ZNF462: variants seen among roughly 807,000 people sequenced by gnomAD.
The protein encoded by ZNF462 is zinc finger protein 462.
In ZNF462, 10 loss-of-function variants were observed where a neutral mutation model predicts 201.9. That is an observed-to-expected ratio of 0.05 (90% CI 0.03 to 0.08). ZNF462 has a LOEUF of 0.08. Ranked by LOEUF, ZNF462 falls within the 10% of genes least tolerant of loss-of-function variation. The pLI, the probability that ZNF462 is intolerant of heterozygous loss-of-function variation, is 1.00. For synonymous variants in ZNF462, 1,227 were observed against 1,193.3 expected (o/e 1.03, Z -0.58); for missense variants, 2,523 against 3,168.3 (o/e 0.80, Z 4.89).
chr9:106,964,810 C>A (rs1036896725), intron 7 of ZNF462, among the ~76,000 whole-genome samples: 1 of 152,050 alleles, frequency 6.6e-6, no homozygotes, highest in African/African-American at 2.4e-5. Flanking sequence ...GCAAATATAA[C>A]TGGTACAAAA....
rs1021292617 is a variant in ZNF462 at position 107,011,271 on chromosome 9, A to T, written c.*241A>T. On this transcript the variant is annotated 3_prime_UTR_variant, in exon 13 of 13. Coordinates refer to ENST00000277225, the MANE Select transcript of ZNF462 (RefSeq NM_021224.6). The surrounding 1 kb of genome is among the most constrained non-coding windows in gnomAD (Gnocchi z 5.6). ...ACTACATCTTTTCTTCCGGATCTTC[A>T]TCATGGAAGTTTCATTTGTTGCGGA... The T allele has an allele frequency of 1.3e-5, 6 of 470,894 alleles. No individual in the cohort carries two copies. The highest frequency in any genetic ancestry group is 3.9e-5 in the East Asian group (1 of 25,528). 29.2% of individuals were successfully genotyped at this position (470,894 alleles called of 1,614,324 possible).
chr9:106,940,773 A>G (rs1327519894), intron 7 of ZNF462, among the ~76,000 whole-genome samples: 1 of 151,764 alleles, frequency 6.6e-6, no homozygotes, highest in African/African-American at 2.4e-5. Flanking sequence ...CTCTTCTGGG[A>G]AAATTCAGAG....
At chr9:106,907,631 G>C (rs867923391) in intron 1 of ZNF462, among the ~76,000 whole-genome samples, 1 of 151,666 alleles carries the variant, frequency 6.6e-6, no homozygotes, top group Non-Finnish European at 1.5e-5. Flanking sequence ...AATTAGGCTA[G>C]CTAATTGTTT....
chr9:106,914,896 G>C (rs1384243937), intron 1 of ZNF462, among the ~76,000 whole-genome samples: 2 of 152,134 alleles, frequency 1.3e-5, no homozygotes, highest in Non-Finnish European at 2.9e-5. Flanking sequence ...TAATTTATAA[G>C]AAGGCAGTCA....
At chr9:106,892,173 C>T (rs887638257) in intron 1 of ZNF462, among the ~76,000 whole-genome samples, 1 of 152,124 alleles carries the variant, frequency 6.6e-6, no homozygotes, top group African/African-American at 2.4e-5. Flanking sequence ...TTATTAGCAG[C>T]TGGTTTAATA....
Position 106,920,960 on chromosome 9 carries a change from C to G in ZNF462, c.-30-2394C>G, listed in dbSNP as rs561836235. Among the ~76,000 whole-genome samples, 2 of 152,280 alleles carry G rather than the reference C, an allele frequency of 1.3e-5. No homozygotes were observed. The highest frequency in any genetic ancestry group is 1.3e-4 in the Admixed American group (2 of 15,300). ...GGAAGAGATTTTGTTTTCCTCTCTG[C>G]TACACAATGGAGCTTTCAGAGAACC... On this transcript the variant is annotated intron_variant, in intron 1 of 12. Coordinates refer to ENST00000277225, the MANE Select transcript of ZNF462 (RefSeq NM_021224.6). The surrounding 1 kb of genome is among the most constrained non-coding windows in gnomAD (Gnocchi z 4.3).
chr9:106,992,472 C>T (rs192611090), intron 10 of ZNF462, among the ~76,000 whole-genome samples: 3 of 152,152 alleles, frequency 2.0e-5, no homozygotes, highest in Non-Finnish European at 4.4e-5. Context: ...GCCATCTGAC[C>T]TATCCTACCT....
In ZNF462 at chr9:106,928,827, G is replaced by A. The variant is rs1474734108; in HGVS notation, c.4915G>A (p.Val1639Met). 6.2e-6 allele frequency: 10 copies of A among 1,614,016 alleles called. No homozygotes were observed. Among genetic ancestry groups the A allele is most frequent in the Non-Finnish European group, 8.5e-6 (10 of 1,180,042 alleles). Residue 1639 changes from valine to methionine, a missense_variant, in exon 3 of 13, where the codon GTG becomes ATG. Physicochemically the swap from Val to Met is conservative, Grantham distance 21. Coordinates refer to ENST00000277225, the MANE Select transcript of ZNF462 (RefSeq NM_021224.6). This position sits in a 1 kb window ranked among gnomAD's most constrained non-coding sequence, Gnocchi z 9.3. Reference sequence around the variant, plus strand: ...CCAAGTCTCCATCACTGAGGAGGAGGTGGGAGAGGAGCCCGTGTCCACTTC... The same window carrying A: ...CCAAGTCTCCATCACTGAGGAGGAGATGGGAGAGGAGCCCGTGTCCACTTC... ...PSQVSITEEE[V>M]GEEPVSTSHF...
chr9:106,931,948 T>A (rs533265033), intron 4 of ZNF462, among the ~76,000 whole-genome samples: 279 of 152,256 alleles, frequency 1.8e-3, no homozygotes, highest in African/African-American at 6.2e-3. Context: ...TTAGATGGGG[T>A]TGCAGTTTGA....
At chr9:106,955,048 G>A (rs886126092) in intron 7 of ZNF462, among the ~76,000 whole-genome samples, 9 of 152,050 alleles carry the variant, frequency 5.9e-5, no homozygotes, top group African/African-American at 1.9e-4. Context: ...TTCTGGCCAC[G>A]CTACTAACAA....
chr9:106,861,136 G>A (rs371747698), upstream of ZNF462, among the ~76,000 whole-genome samples: 36 of 151,874 alleles, frequency 2.4e-4, 1 homozygote, highest in African/African-American at 8.2e-4. Flanking sequence ...TAGGGATCCC[G>A]AGCTTTTCAA....
rs755072228 is a variant in ZNF462 at position 107,008,509 on chromosome 9, A to C, written c.7190-1036A>C. On this transcript the variant is annotated intron_variant, in intron 11 of 12. Transcript: ENST00000277225. This position sits in a 1 kb window ranked among gnomAD's most constrained non-coding sequence, Gnocchi z 4.8. Reference sequence around the variant, plus strand: ...TGTGGACCAGAGTGATCAGAGTGTAAAGATGATCAACACTTCCCTGTGCGA... The same window carrying C: ...TGTGGACCAGAGTGATCAGAGTGTACAGATGATCAACACTTCCCTGTGCGA... 1.9e-4 allele frequency among the ~76,000 whole-genome samples: 29 copies of C among 152,230 alleles called. No individual in the cohort carries two copies. The highest frequency in any genetic ancestry group is 3.4e-4 in the Non-Finnish European group (23 of 68,016).
In ZNF462 at chr9:106,926,078, TGATGAA is replaced by T. The variant is rs775574020; in HGVS notation, c.2169_2174del (p.Asp723_Glu724del). 1.9e-6 allele frequency: 3 copies of T among 1,614,000 alleles called. No homozygotes were observed. The highest frequency in any genetic ancestry group is 1.3e-5 in the African/African-American group (1 of 74,990). On this transcript the variant is annotated inframe_deletion, in exon 3 of 13. Coordinates refer to ENST00000277225, the MANE Select transcript of ZNF462 (RefSeq NM_021224.6). The surrounding 1 kb of genome is among the most constrained non-coding windows in gnomAD (Gnocchi z 7.9). Reference sequence around the variant, plus strand: ...AAGATGCAGTGATCAATGTTGAGGATGATGAAGAGGAAGAGGAAGACAACGAAGTCG... The same window carrying T: ...AAGATGCAGTGATCAATGTTGAGGATGAGGAAGAGGAAGACAACGAAGTCG...
At position 106,955,256 on chromosome 9, in the gene ZNF462, A is replaced by C. The variant is rs530226234; in HGVS notation, c.6427+16149A>C. On this transcript the variant is annotated intron_variant, in intron 7 of 12. Transcript: ENST00000277225. Reference sequence around the variant, plus strand: ...GGTTCCAGACCACCTCAGTAAAGCAAATATTGCAATATAAAAGTCATACAA... The same window carrying C: ...GGTTCCAGACCACCTCAGTAAAGCACATATTGCAATATAAAAGTCATACAA... Among the ~76,000 whole-genome samples the C allele has an allele frequency of 4.3e-4, 66 of 152,308 alleles. 1 individual carries two copies. Among genetic ancestry groups the C allele is most frequent in the Admixed American group, 4.3e-3 (66 of 15,286 alleles).
In ZNF462 at chr9:106,976,357, A is replaced by G. The variant is rs1588142846; in HGVS notation, c.6832+2084A>G. The G allele has an allele frequency of 2.6e-5, 4 of 152,332 alleles. No homozygotes were observed. The South Asian group carries it at 8.3e-4, about 32-fold the overall frequency. The allele number at this position is 152,332 out of a possible 1,614,324, so 9.4% of individuals were successfully genotyped here. A position where few individuals can be genotyped will look rare whatever the true frequency, so the allele number is the denominator to read the frequency against. ...GTTAGACTTTTTTGAACTGTCATTC[A>G]GGAAATTTTCAGGAATCCTAGACAC... On this transcript the variant is annotated intron_variant, in intron 9 of 12. Coordinates refer to ENST00000277225, the MANE Select transcript of ZNF462 (RefSeq NM_021224.6).
At chr9:106,960,935 G>A (rs1831806891) in intron 7 of ZNF462, among the ~76,000 whole-genome samples, 2 of 152,064 alleles carry the variant, frequency 1.3e-5, no homozygotes, top group African/African-American at 2.4e-5. Context: ...TGGATAGTCT[G>A]TATGCTACAT....
chr9:106,863,931 CTCTT>C (rs761438222), intron 1 of ZNF462, among the ~76,000 whole-genome samples: 37 of 151,992 alleles, frequency 2.4e-4, no homozygotes, highest in Non-Finnish European at 4.1e-4. Context: ...GCGGGTTGAC[CTCTT>C]TCTTTCTCTG....
At chr9:106,914,612 A>G (rs1858231) in intron 1 of ZNF462, among the ~76,000 whole-genome samples, 47,122 of 152,076 alleles carry the variant, frequency 0.31, 9,504 homozygotes, top group African/African-American at 0.57. Flanking sequence ...CATTCAGCGT[A>G]TATTTCTGAG....
chr9:106,912,304 G>A (rs1829584871), intron 1 of ZNF462, among the ~76,000 whole-genome samples: 1 of 152,196 alleles, frequency 6.6e-6, no homozygotes, highest in Non-Finnish European at 1.5e-5. Flanking sequence ...GTTCTTCTGT[G>A]TATACCTTTG....
Sources: allele counts gnomAD v4.1 joint callset (sites outside exome capture counted in the v4.1 genomes callset), GRCh38; gene constraint gnomAD v4.1.1; non-coding constraint Gnocchi (gnomAD v3.1); transcripts MANE v1.5; gene names NCBI Gene and HGNC (gene_info 2026-07-23, HGNC 2026-07-21).